Variants in PTRH1 observed in about 807,000 individuals in gnomAD.
PTRH1 encodes peptidyl-tRNA hydrolase 1 homolog.
PTRH1 carries 13 observed loss-of-function variants against 15.7 expected under a neutral mutation model. The observed-to-expected ratio is 0.83, with a 90% CI of 0.54 to 1.31. PTRH1 has a LOEUF of 1.31. PTRH1 is among the 40% of genes most tolerant of loss of function. PTRH1 has a pLI of 0.00. For missense variants in PTRH1, 319 were observed against 296.2 expected, an observed-to-expected ratio of 1.08 and a Z score of -0.56; for synonymous variants, 139 against 136.7, an observed-to-expected ratio of 1.02 and a Z score of -0.12.
Position 127,714,018 on chromosome 9 carries a change from T to G in PTRH1, c.*82A>C. On this transcript the variant is annotated 3_prime_UTR_variant, in exon 5 of 5. Transcript: ENST00000543175. The stretch of plus-strand genomic sequence containing the variant: ...AGAGGAGATTTGTATAAAAAGTAGA[T>G]ACCAAGGCTGGCGTGGCAGCTCTGT... 1 of 1,583,832 alleles carries G rather than the reference T, an allele frequency of 6.3e-7. No homozygotes were observed. The highest frequency in any genetic ancestry group is 1.1e-5 in the South Asian group (1 of 90,126).
downstream of PTRH1, chr9:127,712,395 G>A: frequency 6.2e-7 from 1 of 1,603,490 alleles, no homozygotes. Flanking sequence ...GGGGGAGTGA[G>A]CGCAAGATGG....
chr9:127,706,743 C>G (rs980549597), intron 1 of PTRH1, among the ~76,000 whole-genome samples: 5 of 152,330 alleles, frequency 3.3e-5, no homozygotes, highest in Admixed American at 3.3e-4. Context: ...CATGAACTTT[C>G]CCCATGGCGC....
chr9:127,711,955 G>A (rs774018514), downstream of PTRH1: 55 of 1,604,278 alleles, frequency 3.4e-5, no homozygotes, highest in African/African-American at 1.6e-4. Flanking sequence ...ACTGAAGTGC[G>A]TATGGCCCAC....
At chr9:127,694,872 T>G in intron 2 of PTRH1, 1 of 659,198 alleles carries the variant, frequency 1.5e-6, no homozygotes, top group Non-Finnish European at 2.8e-6. Context: ...CTCTTCTGGG[T>G]ACAGGAAGCA....
chr9:127,709,640 G>A (rs369180901), downstream of PTRH1: 21 of 1,613,652 alleles, frequency 1.3e-5, no homozygotes, highest in African/African-American at 2.7e-5. This position sits in a 1 kb window ranked among gnomAD's most constrained non-coding sequence, Gnocchi z 4.7. Context: ...GCCCAGGTGC[G>A]CCACGAGTTC....
intron 1 of PTRH1, among the ~76,000 whole-genome samples, chr9:127,703,362 CT>C (rs1474926114): frequency 6.6e-6 from 1 of 151,904 alleles, no homozygotes; most frequent in Non-Finnish European, 1.5e-5. Context: ...AGGAGAATCA[CT>C]TGAATCCAGG....
exon 2 of PTRH1, chr9:127,695,073 G>A (rs1842546000): frequency 2.8e-6 from 2 of 702,334 alleles, no homozygotes; most frequent in Non-Finnish European, 2.6e-6. Flanking sequence ...TGATGATGAT[G>A]ATGATGATGA....
rs772904081 is a variant in PTRH1 at position 127,707,038 on chromosome 9, C to T, written c.205+8397G>A. On this transcript the variant is annotated intron_variant, in intron 1 of 2. Transcript: ENST00000335223. ...GCCCTGGTTGCCATCAGCCATGGCT[C>T]CCAAAAAGAGTGTGAGCAAGGCAGG... 1.9e-6 allele frequency: 3 copies of T among 1,613,646 alleles called. No homozygotes were observed. The Admixed American group carries it at 5.0e-5, about 27-fold the overall frequency.
chr9:127,710,733 A>G, downstream of PTRH1: 1 of 1,568,560 alleles, frequency 6.4e-7, no homozygotes, highest in South Asian at 1.2e-5. Context: ...CTGGAGAAGA[A>G]GTCGGTGCTG....
chr9:127,714,346 C>G (rs771263623), intron 4 of PTRH1, 33 bp downstream of exon 4: 1 of 1,614,148 alleles, frequency 6.2e-7, no homozygotes, highest in South Asian at 1.1e-5. Flanking sequence ...CTGGCCCACC[C>G]GACCCAGTTG....
chr9:127,714,506 C>G, intron 3 of PTRH1, 82 bp from the exon 4 acceptor site: 1 of 1,598,684 alleles, frequency 6.3e-7, no homozygotes, highest in Non-Finnish European at 8.6e-7. Flanking sequence ...TGGGTCAGAG[C>G]AGCCCATTTC....
downstream of PTRH1, chr9:127,713,665 C>T: frequency 3.8e-6 from 2 of 530,804 alleles, no homozygotes; most frequent in South Asian, 1.9e-5. Flanking sequence ...CACCACCATG[C>T]CTGGCTACTT....
chr9:127,714,648 T>G lies in PTRH1; in HGVS notation c.371A>C (p.Asp124Ala). The G allele has an allele frequency of 1.9e-6, 3 of 1,613,952 alleles. No individual in the cohort carries two copies. Among genetic ancestry groups the G allele is most frequent in the Non-Finnish European group, 2.5e-6 (3 of 1,179,942 alleles). Residue 124 changes from aspartate (D) to alanine (A), a missense_variant, in exon 3 of 5, where the codon GAC becomes GCC. Transcript: ENST00000543175. ...EEVYLVHDEL[D>A]KPLGRLALKL... is the part of the protein sequence containing the mutation. ...CAGAGCCAGTCTCCCCAGGGGCTTG[T>G]CCAGCTCATCATGCACCAGGTAGAC... is the stretch of plus-strand genomic sequence containing the variant.
chr9:127,694,643 G>A (rs896552217), intron 2 of PTRH1, among the ~76,000 whole-genome samples: 3 of 152,038 alleles, frequency 2.0e-5, no homozygotes, highest in Admixed American at 6.6e-5. Context: ...AATGCTTGGT[G>A]TCATTCCGAG....
At chr9:127,698,811 AAAC>A (rs1306396102) in intron 1 of PTRH1, among the ~76,000 whole-genome samples, 3 of 152,232 alleles carry the variant, frequency 2.0e-5, no homozygotes, top group South Asian at 2.1e-4. Context: ...TTTCTAAGAA[AAAC>A]AACAACAAAA....
intron 1 of PTRH1, among the ~76,000 whole-genome samples, chr9:127,707,774 G>A (rs79326634): frequency 1.1e-4 from 17 of 152,312 alleles, no homozygotes; most frequent in East Asian, 5.8e-4. Flanking sequence ...TCACCTGCCC[G>A]TCATTTTCTT....
chr9:127,701,038 T>C (rs1842599810), intron 1 of PTRH1, among the ~76,000 whole-genome samples: 1 of 152,200 alleles, frequency 6.6e-6, no homozygotes, highest in African/African-American at 2.4e-5. Flanking sequence ...TACATGCATG[T>C]TTGTTCAATA....
chr9:127,695,397 G>A lies in PTRH1; in HGVS notation c.206-256C>T, dbSNP rs1290400514. On this transcript the variant is annotated intron_variant, in intron 1 of 2. Transcript: ENST00000335223. ...GTTGCAGGCTGAAAGAGTGAGGGTCGTGATCAACTCAGTATCCTGGAGGCT... is the reference window on the plus strand; with the variant it reads ...GTTGCAGGCTGAAAGAGTGAGGGTCATGATCAACTCAGTATCCTGGAGGCT... 6 of 470,686 alleles carry A rather than the reference G, an allele frequency of 1.3e-5. No homozygotes were observed. In the Admixed American group the frequency reaches 1.6e-4, roughly 13 times the overall value. 29.2% of individuals were successfully genotyped at this position (470,686 alleles called of 1,614,324 possible).
intron 1 of PTRH1, among the ~76,000 whole-genome samples, chr9:127,704,352 TA>T (rs2131579501): frequency 6.6e-6 from 1 of 150,886 alleles, no homozygotes; most frequent in South Asian, 2.1e-4. Context: ...CAAAAAAAAT[TA>T]AAAAATTAGC....
Sources: gnomAD v4.1 joint callset for allele counts (sites outside exome capture counted in the v4.1 genomes callset) on GRCh38, gnomAD v4.1.1 for gene constraint, Gnocchi (gnomAD v3.1) non-coding constraint, MANE v1.5 for transcripts, NCBI Gene and HGNC (gene_info 2026-07-23, HGNC 2026-07-21) for gene names.